The following SP110 variants were observed in gnomAD, a reference collection of about 807,000 sequenced individuals.
The protein encoded by SP110 is SP110 nuclear body protein.
In SP110, 62 loss-of-function variants were observed where a neutral mutation model predicts 92.7. That is an observed-to-expected ratio of 0.67 (90% CI 0.55 to 0.83). SP110 has a LOEUF of 0.83. Ranked by LOEUF, SP110 falls within the 40% of genes least tolerant of loss-of-function variation. The probability of loss-of-function intolerance (pLI) is 0.00; values close to 1 mark genes in which losing one functional copy is unlikely to be tolerated. For synonymous variants in SP110, 273 were observed against 305.3 expected (o/e 0.89, Z 1.10); for missense variants, 793 against 863.9 (o/e 0.92, Z 1.03).
At chr2:230,187,288 A>G (rs2042403007) in intron 10 of SP110, among the ~76,000 whole-genome samples, 1 of 152,140 alleles carries the variant, frequency 6.6e-6, no homozygotes, top group South Asian at 2.1e-4. Context: ...TTTCTTGGCC[A>G]TTTGAATATC....
chr2:230,211,583 T>C lies in SP110; in HGVS notation c.668-30A>G. On this transcript the variant is annotated intron_variant, in intron 5 of 18. Transcript: ENST00000258381. The surrounding 1 kb of genome is among the most constrained non-coding windows in gnomAD (Gnocchi z 4.2). ...ATGGAGGAAGAAAAAGTTTTAGATC[T>C]CAGGAACAGCAAGCAGGGACCAGAA... The C allele has an allele frequency of 2.3e-6, 3 of 1,293,864 alleles. No individual in the cohort carries two copies. The highest frequency in any genetic ancestry group is 1.2e-5 in the South Asian group (1 of 84,560). The allele number at this position is 1,293,864 out of a possible 1,614,324, so 80.1% of individuals were successfully genotyped here.
chr2:230,209,660 C>T (rs1426102333), intron 7 of SP110, among the ~76,000 whole-genome samples: 9 of 152,162 alleles, frequency 5.9e-5, no homozygotes, highest in Admixed American at 5.9e-4. Flanking sequence ...GCAATTAACA[C>T]TCTAAGAAGT....
chr2:230,171,792 A>G, intron 16 of SP110, 25 bp from the exon 17 acceptor site: 2 of 1,560,220 alleles, frequency 1.3e-6, no homozygotes, highest in Non-Finnish European at 1.8e-6. Context: ...GAGGGCTTGA[A>G]AGTGAAATGC....
At chr2:230,205,574 G>A (rs2043680580) in intron 8 of SP110, among the ~76,000 whole-genome samples, 1 of 150,742 alleles carries the variant, frequency 6.6e-6, no homozygotes, top group South Asian at 2.1e-4. Flanking sequence ...TTTGTTTTTT[G>A]CTTACTTTCT....
rs970918753 is a variant in SP110, at chr2:230,166,725, G to A, written c.*2399C>T. Among the ~76,000 whole-genome samples, 8 of 152,198 alleles carry A rather than the reference G, an allele frequency of 5.3e-5. No homozygotes were observed. Among genetic ancestry groups the A allele is most frequent in the Non-Finnish European group, 7.3e-5 (5 of 68,030 alleles). ...CAAGTGAGTAAATAATACTGTTGGA[G>A]AAGGGAGACACCAATACAGAACCGA... is the stretch of plus-strand genomic sequence containing the variant. On this transcript the variant is annotated 3_prime_UTR_variant, in exon 19 of 19. Coordinates refer to ENST00000258381, the MANE Select transcript of SP110 (RefSeq NM_080424.4).
chr2:230,191,048 C>A (rs55945652), intron 10 of SP110, among the ~76,000 whole-genome samples: 2 of 152,096 alleles, frequency 1.3e-5, no homozygotes, highest in Non-Finnish European at 2.9e-5. Context: ...GGATCTTCTT[C>A]GATTCCATAT....
intron 17 of SP110, 165 bp from the exon 18 acceptor site, chr2:230,170,926 G>A: frequency 1.4e-6 from 1 of 697,536 alleles, no homozygotes; most frequent in South Asian, 1.6e-5. Context: ...TAAATTCTAA[G>A]CCAAGTATAT....
rs140248145 is a variant in SP110, at chr2:230,170,823, C to T, written c.1888-62G>A. ...GCTGTCATCACTGGAATGGATCCAA[C>T]TTAAATACAATCCAAGCCTTCATTT... On this transcript the variant is annotated intron_variant, in intron 17 of 18. Coordinates refer to ENST00000258381, the MANE Select transcript of SP110 (RefSeq NM_080424.4). 3.8e-4 allele frequency: 584 copies of T among 1,527,794 alleles called. 2 individuals carry two copies. The highest frequency in any genetic ancestry group is 3.5e-3 in the African/African-American group (254 of 73,296). The allele number at this position is 1,527,794 out of a possible 1,614,324, so 94.6% of individuals were successfully genotyped here. A position where few individuals can be genotyped will look rare whatever the true frequency, so the allele number is the denominator to read the frequency against.
intron 14 of SP110, chr2:230,177,325 T>C (rs1333917239): frequency 9.7e-6 from 6 of 620,184 alleles, no homozygotes; most frequent in Non-Finnish European, 1.7e-5. Flanking sequence ...TTAAAGTTCC[T>C]GTACTCCTTT....
At position 230,166,056 on chromosome 2, in the gene SP110, G is replaced by A. The variant is rs1200746531; in HGVS notation, c.*3068C>T. On this transcript the variant is annotated 3_prime_UTR_variant, in exon 19 of 19. Transcript: ENST00000258381. Reference sequence around the variant, plus strand: ...CTACAGGCGCCCGCCACCACGCCTGGCTAATTTTTGTATTTTTAGTAGAGA... The same window carrying A: ...CTACAGGCGCCCGCCACCACGCCTGACTAATTTTTGTATTTTTAGTAGAGA... 6.6e-6 allele frequency among the ~76,000 whole-genome samples: 1 copy of A among 151,994 alleles called. No homozygotes were observed. The highest frequency in any genetic ancestry group is 1.5e-5 in the Non-Finnish European group (1 of 68,006).
In SP110 at chr2:230,166,631, AGTTT is replaced by A. The variant is rs1163436573; in HGVS notation, c.*2489_*2492del. Among the ~76,000 whole-genome samples the A allele has an allele frequency of 6.6e-6, 1 of 152,162 alleles. No individual in the cohort carries two copies. The highest frequency in any genetic ancestry group is 1.9e-4 in the East Asian group (1 of 5,202). On this transcript the variant is annotated 3_prime_UTR_variant, in exon 19 of 19. Coordinates refer to ENST00000258381, the MANE Select transcript of SP110 (RefSeq NM_080424.4). ...TCCACAGAAATTTAGAAATCAACTT[AGTTT>A]GTTTTTCATAGTGATCTGAGTGTTA...
chr2:230,201,007 C>T, intron 9 of SP110, 42 bp from the exon 10 acceptor site: 1 of 1,470,860 alleles, frequency 6.8e-7, no homozygotes, highest in Non-Finnish European at 9.5e-7. Context: ...TTGGGAAACA[C>T]CATGGAGAAT....
rs1156647731 is a variant in SP110 at position 230,165,963 on chromosome 2, G to A, written c.*3161C>T. On this transcript the variant is annotated 3_prime_UTR_variant, in exon 19 of 19. Transcript: ENST00000258381. ...GGCTGGAGTGCAGTGGTGGGATCTC[G>A]GCTCACTGCAACCTCCACCTCCCGG... Among the ~76,000 whole-genome samples, 2 of 147,552 alleles carry A rather than the reference G, an allele frequency of 1.4e-5. No individual in the cohort carries two copies. The highest frequency in any genetic ancestry group is 3.0e-5 in the Non-Finnish European group (2 of 67,364).
intron 15 of SP110, chr2:230,172,413 T>C: frequency 1.7e-6 from 1 of 586,944 alleles, no homozygotes; most frequent in East Asian, 2.9e-5. Flanking sequence ...GGCTCTCTTT[T>C]CCCTGTCTGA....
rs201864810 is a variant in SP110, at chr2:230,170,656, G to A, written c.1993C>T (p.Arg665Cys). Residue 665 changes from arginine (R) to cysteine (C), a missense_variant, in exon 18 of 19, where the codon CGC (arginine) becomes TGC (cysteine). Arg to Cys is a radical substitution (Grantham distance 180, BLOSUM62 -3). Transcript: ENST00000258381. Reference protein sequence around the residue: ...YTVAWFVRDMRLMFRNHKTFY... With the variant: ...YTVAWFVRDMCLMFRNHKTFY... Reference sequence around the variant, plus strand: ...GTTTTATGGTTGCGAAACATCAGGCGCATGTCTCGCACAAACCATGCCACC... The same window carrying A: ...GTTTTATGGTTGCGAAACATCAGGCACATGTCTCGCACAAACCATGCCACC... 13 of 1,614,042 alleles carry A rather than the reference G, an allele frequency of 8.1e-6. No individual in the cohort carries two copies. Among genetic ancestry groups the A allele is most frequent in the African/African-American group, 6.7e-5 (5 of 74,994 alleles).
rs556028645 is a variant in SP110, at chr2:230,195,932, A to G, written c.1129+4953T>C. 3.7e-4 allele frequency among the ~76,000 whole-genome samples: 56 copies of G among 152,310 alleles called. 1 individual carries two copies. Among genetic ancestry groups the G allele is most frequent in the African/African-American group, 1.3e-3 (56 of 41,568 alleles). On this transcript the variant is annotated intron_variant, in intron 10 of 18. Transcript: ENST00000258381. ...TGAATGGTAATCTAGGAAAATAAGC[A>G]AAAAATATAAGTTAAAAATGCTCAA...
At position 230,219,970 on chromosome 2, in the gene SP110, A is replaced by G; in HGVS notation, c.-98T>C. 1 of 985,622 alleles carries G rather than the reference A, an allele frequency of 1.0e-6. No homozygotes were observed. The highest frequency in any genetic ancestry group is 1.2e-6 in the Non-Finnish European group (1 of 829,946). The allele number at this position is 985,622 out of a possible 1,614,324, so 61.1% of individuals were successfully genotyped here. On this transcript the variant is annotated 5_prime_UTR_variant, in exon 1 of 19. Transcript: ENST00000258381. ...AGTTACAGGGAGATGCTAGCAGGCA[A>G]AACAGGAAGTCTGTGCTTTGACAAA...
intron 10 of SP110, among the ~76,000 whole-genome samples, chr2:230,188,217 A>G (rs1159517561): frequency 6.6e-6 from 1 of 152,118 alleles, no homozygotes; most frequent in Non-Finnish European, 1.5e-5. Flanking sequence ...TTGGATAAGT[A>G]TATTCCTAGG....
chr2:230,200,442 G>A (rs79234480), intron 10 of SP110: 5,858 of 184,240 alleles, frequency 0.032, 157 homozygotes, highest in Non-Finnish European at 0.046. Context: ...TGAGTTTTTC[G>A]CTTCTCAATT....
Sources: allele counts gnomAD v4.1 joint callset (sites outside exome capture counted in the v4.1 genomes callset), GRCh38; gene constraint gnomAD v4.1.1; non-coding constraint Gnocchi (gnomAD v3.1); transcripts MANE v1.5; gene names NCBI Gene and HGNC (gene_info 2026-07-23, HGNC 2026-07-21).